The following SLC35D2 variants were observed in gnomAD, a reference collection of about 807,000 sequenced individuals.
SLC35D2 encodes nucleotide sugar transporter SLC35D2.
A neutral mutation model predicts 41.8 loss-of-function variants in SLC35D2; 43 were observed. The observed-to-expected ratio is 1.03, with a 90% confidence interval of 0.81 to 1.33. The LOEUF is 1.33. Ranked by LOEUF, SLC35D2 falls within the 40% of genes most tolerant of loss-of-function variation. The pLI is 0.00. For missense variants in SLC35D2, 380 were observed against 408.4 expected (o/e 0.93, Z 0.60); for synonymous variants, 150 against 163.9 (o/e 0.92, Z 0.65).
At chr9:96,380,550 T>A (rs1317724376) in intron 1 of SLC35D2, among the ~76,000 whole-genome samples, 1 of 151,932 alleles carries the variant, frequency 6.6e-6, no homozygotes, top group Non-Finnish European at 1.5e-5. Context: ...CACTGCCTCC[T>A]GAGTTCAAGT....
chr9:96,358,153 G>A (rs1830118666), intron 4 of SLC35D2, among the ~76,000 whole-genome samples: 1 of 143,172 alleles, frequency 7.0e-6, no homozygotes. Context: ...ATTAAATTCT[G>A]ATACCTAATA....
At chr9:96,350,346 C>CTTTTTTTT (rs1564107383) in intron 6 of SLC35D2, among the ~76,000 whole-genome samples, 8 of 130,538 alleles carry the variant, frequency 6.1e-5, no homozygotes, top group African/African-American at 2.0e-4. Flanking sequence ...AATTTTCTTT[C>CTTTTTTTT]CTTTTTTTTT....
At chr9:96,340,119 A>G (rs1017742625) in intron 8 of SLC35D2, among the ~76,000 whole-genome samples, 2 of 152,224 alleles carry the variant, frequency 1.3e-5, no homozygotes, top group Non-Finnish European at 2.9e-5. Context: ...TTGGTTTACA[A>G]TCTAAAATGA....
intron 1 of SLC35D2, among the ~76,000 whole-genome samples, chr9:96,371,612 A>G (rs1156539866): frequency 6.6e-6 from 1 of 151,030 alleles, no homozygotes; most frequent in Admixed American, 6.6e-5. Flanking sequence ...CTTTTAAGAC[A>G]TATTAATCCT....
At chr9:96,342,147 G>A (rs2130902202) in intron 8 of SLC35D2, among the ~76,000 whole-genome samples, 1 of 151,662 alleles carries the variant, frequency 6.6e-6, no homozygotes, top group African/African-American at 2.4e-5. Flanking sequence ...GTCTCGCTCT[G>A]TCACCCAGGC....
chr9:96,340,740 T>C (rs554790179), intron 8 of SLC35D2, among the ~76,000 whole-genome samples: 1 of 151,928 alleles, frequency 6.6e-6, no homozygotes, highest in Non-Finnish European at 1.5e-5. Flanking sequence ...CTCTATATCT[T>C]CTAATTATAA....
Position 96,338,005 on chromosome 9 carries a change from A to AAAAAAAAAAAAAAG in SLC35D2, c.685-1222_685-1221insCTTTTTTTTTTTTT, listed in dbSNP as rs373089900. 3.1e-4 allele frequency among the ~76,000 whole-genome samples: 32 copies of AAAAAAAAAAAAAAG among 104,800 alleles called. 1 individual carries two copies. The highest frequency in any genetic ancestry group is 1.3e-3 in the African/African-American group (31 of 23,400). 68.8% of individuals were successfully genotyped at this position (104,800 alleles called of 152,430 possible). A position where few individuals can be genotyped will look rare whatever the true frequency, so the allele number is the denominator to read the frequency against. On this transcript the variant is annotated intron_variant, in intron 8 of 11. Coordinates refer to ENST00000253270, the MANE Select transcript of SLC35D2 (RefSeq NM_007001.3). ...TCAAAAAAAAAAAAAAAAAAAAAAA[A>AAAAAAAAAAAAAAG]CTCAATTTCTGCTCTCCAGGAATTT... is the stretch of plus-strand genomic sequence containing the variant.
At chr9:96,347,148 A>G (rs1829617023) in intron 6 of SLC35D2, among the ~76,000 whole-genome samples, 1 of 152,212 alleles carries the variant, frequency 6.6e-6, no homozygotes, top group African/African-American at 2.4e-5. Context: ...TTTCTTCAAA[A>G]TAAGGGTCTT....
At chr9:96,320,616 C>T (rs112542041), downstream of SLC35D2, 10 of 151,344 alleles carry the variant, frequency 6.6e-5, no homozygotes, top group Non-Finnish European at 5.9e-5. Flanking sequence ...ATAAAGGAGT[C>T]TGGAATTGTC....
intron 9 of SLC35D2, among the ~76,000 whole-genome samples, chr9:96,326,964 C>T (rs1828564378): frequency 6.6e-6 from 1 of 152,124 alleles, no homozygotes; most frequent in Non-Finnish European, 1.5e-5. Flanking sequence ...CCTGCTCTGC[C>T]AGGCCCTGGC....
intron 9 of SLC35D2, among the ~76,000 whole-genome samples, chr9:96,329,912 G>A (rs1828731794): frequency 6.6e-6 from 1 of 152,198 alleles, no homozygotes; most frequent in Non-Finnish European, 1.5e-5. Flanking sequence ...GATTTATCAG[G>A]GGAATTGGCT....
At chr9:96,315,490 G>GGCGCA (rs1564077424) in intron 11 of SLC35D2, among the ~76,000 whole-genome samples, 2 of 149,310 alleles carry the variant, frequency 1.3e-5, no homozygotes, top group Non-Finnish European at 3.0e-5. Flanking sequence ...CTGGAGTGCA[G>GGCGCA]TGGCGCGATC....
At chr9:96,364,372 A>C in intron 3 of SLC35D2, 92 bp downstream of exon 3, 1 of 792,694 alleles carries the variant, frequency 1.3e-6, no homozygotes, top group East Asian at 2.5e-5. Context: ...GCAGGCAGGA[A>C]GTACAGTGTG....
chr9:96,365,983 C>T (rs1027388544), intron 2 of SLC35D2, among the ~76,000 whole-genome samples: 2 of 152,100 alleles, frequency 1.3e-5, no homozygotes, highest in Non-Finnish European at 2.9e-5. Context: ...TTTGTACTTA[C>T]GCCTCACATT....
At chr9:96,382,498 A>ACAC (rs374142868) in intron 1 of SLC35D2, among the ~76,000 whole-genome samples, 1,418 of 102,826 alleles carry the variant, frequency 0.014, 11 homozygotes, top group Non-Finnish European at 0.021. Context: ...CACACACACT[A>ACAC]TATATATATA....
intron 1 of SLC35D2, among the ~76,000 whole-genome samples, chr9:96,382,496 C>CACACACTCTATATATATATATATATA (rs200897475): frequency 1.1e-4 from 14 of 127,938 alleles, no homozygotes; most frequent in African/African-American, 4.1e-4. Flanking sequence ...CACACACACA[C>CACACACTCTATATATATATATATATA]TATATATATA....
At position 96,351,142 on chromosome 9, in the gene SLC35D2, C is replaced by T; in HGVS notation, c.449G>A (p.Ser150Asn). 6.2e-7 allele frequency: 1 copy of T among 1,612,542 alleles called. No individual in the cohort carries two copies. The change falls in exon 6 of 12, where the codon AGT (serine) becomes AAT (asparagine). Residue 150 changes from serine (S) to asparagine (N), a missense_variant. Physicochemically the swap from Ser to Asn is conservative, Grantham distance 46. Coordinates refer to ENST00000253270, the MANE Select transcript of SLC35D2 (RefSeq NM_007001.3). ...AGCCCCGAGAATAATGGCAAAGACA[C>T]TGAGGATGATGTTGAGTGAATACTG... is the stretch of plus-strand genomic sequence containing the variant. ...GKQYSLNIIL[S>N]VFAIILGAFI...
downstream of SLC35D2, among the ~76,000 whole-genome samples, chr9:96,316,187 T>A (rs928896877): frequency 3.3e-5 from 5 of 152,074 alleles, no homozygotes; most frequent in African/African-American, 1.2e-4. Flanking sequence ...GAACTCCAGG[T>A]TAAGAATCCC....
At chr9:96,315,877 T>G (rs1191765145), downstream of SLC35D2, among the ~76,000 whole-genome samples, 3 of 152,220 alleles carry the variant, frequency 2.0e-5, no homozygotes, top group South Asian at 6.2e-4. Context: ...ACACACTATT[T>G]TTAATGTGAT....
Sources: gnomAD v4.1 joint callset for allele counts (sites outside exome capture counted in the v4.1 genomes callset) on GRCh38, gnomAD v4.1.1 for gene constraint, MANE v1.5 for transcripts, NCBI Gene and HGNC (gene_info 2026-07-23, HGNC 2026-07-21) for gene names.